SATB2: variants seen among roughly 807,000 people sequenced by gnomAD.
SATB2 encodes SATB homeobox 2.
Under a neutral mutation model 73.4 loss-of-function variants are expected in SATB2, and 1 was observed. That is an observed-to-expected ratio of 0.01 (90% confidence interval 0.00 to 0.06). The LOEUF (loss-of-function observed/expected upper bound fraction) is 0.06. SATB2 is among the 10% of genes least tolerant of loss of function. The probability of loss-of-function intolerance (pLI) is 1.00; values close to 1 mark genes in which losing one functional copy is unlikely to be tolerated. For missense variants in SATB2, 459 were observed against 945.8 expected (o/e 0.49, Z 6.75); for synonymous variants, 397 against 367.0 (o/e 1.08, Z -0.93).
intron 10 of SATB2, among the ~76,000 whole-genome samples, chr2:199,293,606 T>C (rs1165490291): frequency 6.6e-6 from 1 of 152,166 alleles, no homozygotes; most frequent in African/African-American, 2.4e-5. Context: ...ATACTATGTG[T>C]GTGTCAAAAT....
At chr2:199,416,016 A>C (rs1210236417) in intron 3 of SATB2, among the ~76,000 whole-genome samples, 1 of 152,232 alleles carries the variant, frequency 6.6e-6, no homozygotes, top group Non-Finnish European at 1.5e-5. Context: ...GTGGCTGTCA[A>C]AGGCATAGGC....
At chr2:199,392,812 A>C (rs1349142739) in intron 3 of SATB2, among the ~76,000 whole-genome samples, 2 of 152,238 alleles carry the variant, frequency 1.3e-5, no homozygotes, top group African/African-American at 4.8e-5. Flanking sequence ...ACATGAGTTA[A>C]AGTGCACTGA....
chr2:199,330,254 C>T (rs12618905), intron 7 of SATB2, among the ~76,000 whole-genome samples: 116,051 of 152,124 alleles, frequency 0.76, 46,236 homozygotes, highest in South Asian at 0.91. Flanking sequence ...TATAATATAG[C>T]GAAGCAAATG....
Position 199,371,074 on chromosome 2 carries a change from C to A in SATB2, c.598-2367G>T, listed in dbSNP as rs547104739. Among the ~76,000 whole-genome samples the A allele has an allele frequency of 9.9e-5, 15 of 151,744 alleles. No homozygotes were observed. In the East Asian group the frequency reaches 2.7e-3, roughly 28 times the overall value. On this transcript the variant is annotated intron_variant, in intron 5 of 10. Coordinates refer to ENST00000417098, the MANE Select transcript of SATB2 (RefSeq NM_001172509.2). ...ACTCCCTGCAGGTCTTTATATAGAA[C>A]TAATACCCAAAATAGTTTTTACTGA...
intron 6 of SATB2, among the ~76,000 whole-genome samples, chr2:199,362,746 G>A (rs1689175234): frequency 6.6e-6 from 1 of 152,140 alleles, no homozygotes; most frequent in Non-Finnish European, 1.5e-5. Flanking sequence ...CAAGATATGT[G>A]TTATATTATA....
chr2:199,353,968 G>A (rs1688897167), intron 6 of SATB2, among the ~76,000 whole-genome samples: 1 of 152,218 alleles, frequency 6.6e-6, no homozygotes, highest in Non-Finnish European at 1.5e-5. Flanking sequence ...AAGGGTAAAA[G>A]GTAGTGCTGT....
chr2:199,373,976 A>C (rs1689523407), intron 5 of SATB2, among the ~76,000 whole-genome samples: 1 of 152,214 alleles, frequency 6.6e-6, no homozygotes, highest in African/African-American at 2.4e-5. Context: ...ATATATGATG[A>C]GCACATGCTC....
At chr2:199,303,917 G>A (rs1687354891) in intron 10 of SATB2, among the ~76,000 whole-genome samples, 1 of 152,270 alleles carries the variant, frequency 6.6e-6, no homozygotes, top group East Asian at 1.9e-4. Context: ...CAGAATTCCT[G>A]AACTTACAAA....
At chr2:199,291,663 A>G (rs2105742923) in intron 10 of SATB2, among the ~76,000 whole-genome samples, 1 of 152,276 alleles carries the variant, frequency 6.6e-6, no homozygotes, top group South Asian at 2.1e-4. Context: ...CTGTAATCCC[A>G]GCACTTTGGG....
intron 10 of SATB2, among the ~76,000 whole-genome samples, chr2:199,301,268 T>C (rs1687282214): frequency 6.6e-6 from 1 of 152,090 alleles, no homozygotes; most frequent in East Asian, 1.9e-4. Flanking sequence ...CACAGCACTT[T>C]ACATTAAAAA....
intron 2 of SATB2, among the ~76,000 whole-genome samples, chr2:199,451,647 A>G (rs887483945): frequency 8.5e-5 from 13 of 152,094 alleles, no homozygotes; most frequent in African/African-American, 2.2e-4. Flanking sequence ...ATTCCTTTCA[A>G]AAAGTTAAAT....
upstream of SATB2, among the ~76,000 whole-genome samples, chr2:199,466,887 T>C (rs1692603354): frequency 1.3e-5 from 2 of 152,252 alleles, no homozygotes; most frequent in South Asian, 2.1e-4. Context: ...CTCCCCAAGC[T>C]CTATTTACAA....
chr2:199,433,345 C>A lies in SATB2; in HGVS notation c.339G>T (p.Gln113His), dbSNP rs1691558786. The change falls in exon 3 of 11, where the codon CAG becomes CAT. Residue 113 changes from glutamine to histidine, a missense_variant. Physicochemically the swap from Gln to His is conservative, Grantham distance 24 (BLOSUM62 0). This residue lies in a region of SATB2 where 56 missense variants were observed against 183.7 expected (regional missense o/e 0.30). Transcript: ENST00000417098. ...ALGYSHSSAAQAQGIIKLGRW... is the reference protein window; with the variant it reads ...ALGYSHSSAAHAQGIIKLGRW... ...GGGGAGAGGCATTAATACCTTGGGC[C>A]TGGGCCGCAGAGCTGTGAGAATACC... 1 of 1,613,656 alleles carries A rather than the reference C, an allele frequency of 6.2e-7. No individual in the cohort carries two copies. The highest frequency in any genetic ancestry group is 1.3e-5 in the African/African-American group (1 of 74,916).
intron 6 of SATB2, among the ~76,000 whole-genome samples, chr2:199,368,385 A>G (rs1689349494): frequency 6.6e-6 from 1 of 152,168 alleles, no homozygotes; most frequent in Non-Finnish European, 1.5e-5. Flanking sequence ...TATGAAAACT[A>G]TAAACTTAAC....
At chr2:199,438,409 G>A (rs1691715399) in intron 2 of SATB2, among the ~76,000 whole-genome samples, 1 of 152,154 alleles carries the variant, frequency 6.6e-6, no homozygotes, top group African/African-American at 2.4e-5. Flanking sequence ...CCAGCTCTTA[G>A]GAGTCCTGAA....
At chr2:199,334,627 G>C (rs1387738256) in intron 7 of SATB2, among the ~76,000 whole-genome samples, 1 of 151,658 alleles carries the variant, frequency 6.6e-6, no homozygotes, top group Non-Finnish European at 1.5e-5. Flanking sequence ...CCTTTTGTAT[G>C]CTTGCTAGCC....
rs187032784 is a variant in SATB2 at position 199,455,109 on chromosome 2, T to C, written c.169+760A>G. 1.9e-3 allele frequency among the ~76,000 whole-genome samples: 291 copies of C among 152,356 alleles called. 1 individual carries two copies. The highest frequency in any genetic ancestry group is 3.2e-3 in the Non-Finnish European group (215 of 68,026). On this transcript the variant is annotated intron_variant, in intron 2 of 10. Coordinates refer to ENST00000417098, the MANE Select transcript of SATB2 (RefSeq NM_001172509.2). The surrounding 1 kb of genome is among the most constrained non-coding windows in gnomAD (Gnocchi z 4.1). Reference sequence around the variant, plus strand: ...AAATTTCTCCCATATCTTTATTTTGTATGATTGCTTTTCCTGACCACTTTA... The same window carrying C: ...AAATTTCTCCCATATCTTTATTTTGCATGATTGCTTTTCCTGACCACTTTA...
chr2:199,313,602 T>C (rs971697), intron 9 of SATB2, among the ~76,000 whole-genome samples: 140,642 of 152,288 alleles, frequency 0.92, 65,970 homozygotes, highest in East Asian at 1. Context: ...CCAGTCAAGA[T>C]ATAGTTTGTT....
At chr2:199,325,385 C>T (rs552272181) in intron 8 of SATB2, 5 of 152,242 alleles carry the variant, frequency 3.3e-5, no homozygotes, top group South Asian at 2.1e-4. Flanking sequence ...ATGATCTGAA[C>T]GCAAGTCTTT....
Sources: gnomAD v4.1 joint callset for allele counts (sites outside exome capture counted in the v4.1 genomes callset) on GRCh38, gnomAD v4.1.1 for gene constraint, gnomAD v4.1.1 regional missense constraint, Gnocchi (gnomAD v3.1) non-coding constraint, MANE v1.5 for transcripts, NCBI Gene and HGNC (gene_info 2026-07-23, HGNC 2026-07-21) for gene names.